ZNF12: variants seen among roughly 807,000 people sequenced by gnomAD.
The protein encoded by ZNF12 is gonadotropin inducible transcription repressor 3.
A neutral mutation model predicts 66.6 loss-of-function variants in ZNF12; 34 were observed. That is an observed-to-expected ratio of 0.51 (90% CI 0.39 to 0.68). ZNF12 has a LOEUF of 0.68. ZNF12 is among the 30% of genes least tolerant of loss of function. ZNF12 has a pLI of 0.00. For missense variants in ZNF12, 697 were observed against 826.9 expected (o/e 0.84, Z 1.93); for synonymous variants, 320 against 278.9 (o/e 1.15, Z -1.47).
chr7:6,694,203 A>T (rs2115348862), intron 4 of ZNF12, among the ~76,000 whole-genome samples: 1 of 152,046 alleles, frequency 6.6e-6, no homozygotes, highest in South Asian at 2.1e-4. Context: ...AAACAAACAA[A>T]ATCAGATCCC....
chr7:6,700,338 T>C (rs28447332), intron 2 of ZNF12, among the ~76,000 whole-genome samples: 30,083 of 126,794 alleles, frequency 0.24, 3,478 homozygotes, highest in African/African-American at 0.36. Context: ...CACACACACA[T>C]ATATATACAT....
intron 2 of ZNF12, among the ~76,000 whole-genome samples, chr7:6,701,642 G>A (rs1780244469): frequency 6.6e-6 from 1 of 152,042 alleles, no homozygotes; most frequent in Admixed American, 6.6e-5. Context: ...AAACCCGGCC[G>A]TCACCCCTCA....
chr7:6,703,233 A>G (rs973051275), intron 2 of ZNF12, among the ~76,000 whole-genome samples: 36 of 152,334 alleles, frequency 2.4e-4, no homozygotes, highest in African/African-American at 7.7e-4. Flanking sequence ...GGAGCCACGC[A>G]AGTGCTTTTC....
intron 2 of ZNF12, among the ~76,000 whole-genome samples, chr7:6,704,620 A>G (rs1447979666): frequency 6.7e-6 from 1 of 148,680 alleles, no homozygotes; most frequent in Non-Finnish European, 1.5e-5. Flanking sequence ...GATGCCTGTA[A>G]TCCCAGCTAC....
intron 1 of ZNF12, among the ~76,000 whole-genome samples, chr7:6,706,219 A>AG (rs963824572): frequency 6.6e-6 from 1 of 152,148 alleles, no homozygotes; most frequent in Non-Finnish European, 1.5e-5. Flanking sequence ...TGCTGGGGTG[A>AG]GGGGGGAGTG....
chr7:6,690,894 T>C lies in ZNF12; in HGVS notation c.2048A>G (p.His683Arg), dbSNP rs1181168861. ...KSAFNSHQRI[H>R]RRGNMNVIDV... ...TATTACATTCATATTGCCTCTCCTA[T>C]GAATTCTCTGATGGCTGTTGAATGC... Residue 683 changes from histidine to arginine, a missense_variant, in exon 5 of 5, where the codon CAT becomes CGT. By Grantham distance (29) the His-to-Arg change is conservative. Transcript: ENST00000405858. 2 of 1,613,952 alleles carry C rather than the reference T, an allele frequency of 1.2e-6. No homozygotes were observed. Among genetic ancestry groups the C allele is most frequent in the Admixed American group, 3.3e-5 (2 of 60,008 alleles).
chr7:6,694,916 C>T (rs1359508030), intron 4 of ZNF12, among the ~76,000 whole-genome samples: 3 of 152,160 alleles, frequency 2.0e-5, no homozygotes, highest in Admixed American at 2.0e-4. Context: ...TTAATTACTT[C>T]ATGCAGCGCT....
At position 6,705,717 on chromosome 7, in the gene ZNF12, C is replaced by CA. The variant is rs71978935; in HGVS notation, c.-50-495dup. ...CTGGGCAACAAAGCGAAACTTGTCT[C>CA]AAAAACAAACAAACAAACAAACAAA... is the stretch of plus-strand genomic sequence containing the variant. On this transcript the variant is annotated intron_variant, in intron 1 of 4. Coordinates refer to ENST00000405858, the MANE Select transcript of ZNF12 (RefSeq NM_016265.4). The surrounding 1 kb of genome is among the most constrained non-coding windows in gnomAD (Gnocchi z 4.0). 0.057 allele frequency among the ~76,000 whole-genome samples: 8,395 copies of CA among 148,530 alleles called. 399 individuals are homozygous for CA. Among genetic ancestry groups the CA allele is most frequent in the African/African-American group, 0.12 (4,958 of 40,128 alleles).
In ZNF12 at chr7:6,693,345, G is replaced by A. The variant is rs117970801; in HGVS notation, c.239-642C>T. ...GAACAGCCCTATAACCAGGGCATTC[G>A]CCCTGTAATTCTGTTTCACTTGGAT... On this transcript the variant is annotated intron_variant, in intron 4 of 4. Transcript: ENST00000405858. 1.3e-3 allele frequency among the ~76,000 whole-genome samples: 205 copies of A among 152,246 alleles called. 3 individuals carry two copies. The East Asian group carries it at 0.034, about 25-fold the overall frequency.
rs1464071339 is a variant in ZNF12, at chr7:6,691,130, G to A, written c.1812C>T (p.Ala604=). 1 of 1,613,928 alleles carries A rather than the reference G, an allele frequency of 6.2e-7. No individual in the cohort carries two copies. Among genetic ancestry groups the A allele is most frequent in the Non-Finnish European group, 8.5e-7 (1 of 1,179,998 alleles). Residue 604 remains alanine, a synonymous_variant, in exon 5 of 5, where the codon GCC becomes GCT. Coordinates refer to ENST00000405858, the MANE Select transcript of ZNF12 (RefSeq NM_016265.4). ...ACTTCCCACATTCATAACATTCGTAGGCTTTCTCTCCTGTGTGTGTTCTCT... is the reference window on the plus strand; with the variant it reads ...ACTTCCCACATTCATAACATTCGTAAGCTTTCTCTCCTGTGTGTGTTCTCT... The part of the protein sequence containing the change: ...RHQRTHTGEK[A]YECYECGKCF...
chr7:6,688,856 T>G lies in ZNF12; in HGVS notation c.*1992A>C, dbSNP rs540354669. The G allele has an allele frequency of 7.2e-5, 11 of 152,732 alleles. No individual in the cohort carries two copies. Among genetic ancestry groups the G allele is most frequent in the Non-Finnish European group, 1.5e-4 (10 of 68,040 alleles). 9.5% of individuals were successfully genotyped at this position (152,732 alleles called of 1,614,324 possible). A position where few individuals can be genotyped will look rare whatever the true frequency, so the allele number is the denominator to read the frequency against. On this transcript the variant is annotated 3_prime_UTR_variant, in exon 5 of 5. Transcript: ENST00000405858. The surrounding 1 kb of genome is among the most constrained non-coding windows in gnomAD (Gnocchi z 4.3). ...ATTACCTCCAACAAAATGTATTCCATGTATTAGAAAAAAGGAGGTATGCCT... is the reference window on the plus strand; with the variant it reads ...ATTACCTCCAACAAAATGTATTCCAGGTATTAGAAAAAAGGAGGTATGCCT...
Position 6,697,550 on chromosome 7 carries a change from A to G in ZNF12, c.143-116T>C. ...AAAATCAGAACTTTTCACGGGGGAG[A>G]TCAAGACCAAAATGCCCTGCCTGGT... is the stretch of plus-strand genomic sequence containing the variant. On this transcript the variant is annotated intron_variant, in intron 3 of 4. Transcript: ENST00000405858. The surrounding 1 kb of genome is among the most constrained non-coding windows in gnomAD (Gnocchi z 6.1). 1 of 1,527,276 alleles carries G rather than the reference A, an allele frequency of 6.5e-7. No individual in the cohort carries two copies. Among genetic ancestry groups the G allele is most frequent in the Non-Finnish European group, 9.0e-7 (1 of 1,116,980 alleles). The allele number at this position is 1,527,276 out of a possible 1,614,324, so 94.6% of individuals were successfully genotyped here.
At position 6,690,731 on chromosome 7, in the gene ZNF12, A is replaced by C; in HGVS notation, c.*117T>G. On this transcript the variant is annotated 3_prime_UTR_variant, in exon 5 of 5. Coordinates refer to ENST00000405858, the MANE Select transcript of ZNF12 (RefSeq NM_016265.4). ...CTTCAGATTATGAGTCCAACACACA[A>C]GGGGATGTCCACACTAACCTGTGTG... The C allele has an allele frequency of 1.9e-6, 2 of 1,050,348 alleles. No homozygotes were observed. Among genetic ancestry groups the C allele is most frequent in the Non-Finnish European group, 2.7e-6 (2 of 745,170 alleles). 65.1% of individuals were successfully genotyped at this position (1,050,348 alleles called of 1,614,324 possible).
intron 2 of ZNF12, among the ~76,000 whole-genome samples, chr7:6,700,304 TACACACAC>T (rs71539972): frequency 1.6e-4 from 21 of 129,058 alleles, no homozygotes; most frequent in Admixed American, 1.3e-3. Context: ...AAAAAAAATA[TACACACAC>T]ACACACACAC....
Position 6,691,791 on chromosome 7 carries a change from T to C in ZNF12, c.1151A>G (p.His384Arg), listed in dbSNP as rs902477879. The C allele has an allele frequency of 6.2e-7, 1 of 1,614,014 alleles. No homozygotes were observed. The highest frequency in any genetic ancestry group is 8.5e-7 in the Non-Finnish European group (1 of 1,179,896). Residue 384 changes from histidine (H) to arginine (R), a missense_variant, in exon 5 of 5, where the codon CAT becomes CGT. Physicochemically the swap from His to Arg is conservative, Grantham distance 29. This residue lies in a region of ZNF12 where 401 missense variants were observed against 519.0 expected (regional missense o/e 0.77). Coordinates refer to ENST00000405858, the MANE Select transcript of ZNF12 (RefSeq NM_016265.4). ...THSGERPYVCHDCGKTFSQKS... is the reference protein window; with the variant it reads ...THSGERPYVCRDCGKTFSQKS... ...CTGCGAGAAGGTTTTCCCACAGTCA[T>C]GACAAACATAAGGTCTCTCTCCTGA...
intron 4 of ZNF12, among the ~76,000 whole-genome samples, chr7:6,695,835 G>C (rs1386067110): frequency 6.6e-6 from 1 of 152,202 alleles, no homozygotes; most frequent in Non-Finnish European, 1.5e-5. Context: ...AAGATTTGAG[G>C]TCAGACTTAA....
chr7:6,702,485 T>C (rs1780267305), intron 2 of ZNF12, among the ~76,000 whole-genome samples: 2 of 122,376 alleles, frequency 1.6e-5, no homozygotes, highest in Non-Finnish European at 3.3e-5. Context: ...TCTCCCAAAC[T>C]CCACACACAC....
chr7:6,701,951 CAA>C (rs34380276), intron 2 of ZNF12, among the ~76,000 whole-genome samples: 24,207 of 127,006 alleles, frequency 0.19, 2,180 homozygotes, highest in East Asian at 0.34. Flanking sequence ...CAAAATTTCT[CAA>C]AAAAAAAAAA....
chr7:6,701,200 T>C (rs1036957784), intron 2 of ZNF12, among the ~76,000 whole-genome samples: 1 of 152,158 alleles, frequency 6.6e-6, no homozygotes, highest in African/African-American at 2.4e-5. Flanking sequence ...TTCCCAGGCA[T>C]TGACCAGAAC....
Sources: allele counts gnomAD v4.1 joint callset (sites outside exome capture counted in the v4.1 genomes callset), GRCh38; gene constraint gnomAD v4.1.1; regional missense constraint gnomAD v4.1.1; non-coding constraint Gnocchi (gnomAD v3.1); transcripts MANE v1.5; gene names NCBI Gene and HGNC (gene_info 2026-07-23, HGNC 2026-07-21).